Variants in EPHA5 observed in about 807,000 individuals in gnomAD.
EPHA5 encodes the protein ephrin type-A receptor 5.
In EPHA5, 60 loss-of-function variants were observed where a neutral mutation model predicts 105.0. That is an observed-to-expected ratio of 0.57 (90% CI 0.46 to 0.71). The LOEUF is 0.71. Among genes scored for constraint, EPHA5 ranks in the 30% least tolerant of loss-of-function variants. EPHA5 has a pLI of 0.00. For synonymous variants in EPHA5, 513 were observed against 449.1 expected (o/e 1.14, Z -1.80); for missense variants, 1,218 against 1,274.7 (o/e 0.96, Z 0.68).
chr4:65,349,943 C>T (rs544790255), intron 13 of EPHA5, among the ~76,000 whole-genome samples: 2 of 152,066 alleles, frequency 1.3e-5, no homozygotes, highest in Non-Finnish European at 2.9e-5. Context: ...CTTATGTTCT[C>T]ATCTCTCAGT....
chr4:65,494,120 A>G (rs1731691641), intron 4 of EPHA5, among the ~76,000 whole-genome samples: 1 of 152,206 alleles, frequency 6.6e-6, no homozygotes, highest in South Asian at 2.1e-4. Context: ...TGAAGAGGAA[A>G]TTATTTTTCA....
chr4:65,625,784 A>G (rs1427740633), intron 2 of EPHA5, among the ~76,000 whole-genome samples: 2 of 152,344 alleles, frequency 1.3e-5, no homozygotes, highest in South Asian at 4.1e-4. Flanking sequence ...GATCCCAGTA[A>G]GCAGGTGCTT....
chr4:65,473,453 G>A (rs1729486404), intron 5 of EPHA5, among the ~76,000 whole-genome samples: 1 of 152,084 alleles, frequency 6.6e-6, no homozygotes, highest in Non-Finnish European at 1.5e-5. Context: ...TTCATAGCTG[G>A]GAGGCCTCAG....
chr4:65,365,183 A>G lies in EPHA5; in HGVS notation c.2007T>C (p.Cys669=), dbSNP rs777259794. The change falls in exon 11 of 17, where the codon TGT becomes TGC. Residue 669 remains cysteine, a synonymous_variant. Transcript: ENST00000613740. ...VIGAGEFGEV[C]SGRLKLPGKR... Reference sequence around the variant, plus strand: ...TTCCTGGTAGTTTCAAACGTCCACTACAAACTTCACCAAATTCACCTTGTG... The same window carrying G: ...TTCCTGGTAGTTTCAAACGTCCACTGCAAACTTCACCAAATTCACCTTGTG... 1.9e-6 allele frequency: 3 copies of G among 1,609,746 alleles called. No individual in the cohort carries two copies. The highest frequency in any genetic ancestry group is 1.7e-6 in the Non-Finnish European group (2 of 1,177,584).
At chr4:65,347,922 CAG>C in intron 14 of EPHA5, 130 bp downstream of exon 14, 1 of 932,018 alleles carries the variant, frequency 1.1e-6, no homozygotes, top group East Asian at 2.6e-5. Context: ...CAACACAAAA[CAG>C]ATCAGAGGGT....
In EPHA5 at chr4:65,495,573, T is replaced by C. The variant is rs1431068595; in HGVS notation, c.911-30A>G. 6.3e-6 allele frequency: 10 copies of C among 1,583,466 alleles called. No individual in the cohort carries two copies. The South Asian group carries it at 1.0e-4, about 16-fold the overall frequency. ...CAAAAGAAATAAGAGACTAAGCTTT[T>C]CCCTGGAACAGATGCAGTGTTTGTT... On this transcript the variant is annotated intron_variant, in intron 3 of 16. Transcript: ENST00000613740.
intron 6 of EPHA5, among the ~76,000 whole-genome samples, chr4:65,416,846 C>T (rs1037326987): frequency 1.1e-4 from 16 of 152,146 alleles, no homozygotes; most frequent in South Asian, 2.1e-4. Context: ...ATCATCTAAG[C>T]GTCTTCCAAA....
At chr4:65,585,694 T>G (rs978550321) in intron 3 of EPHA5, among the ~76,000 whole-genome samples, 26 of 152,008 alleles carry the variant, frequency 1.7e-4, no homozygotes, top group African/African-American at 6.3e-4. Flanking sequence ...TACATTTAGC[T>G]GTGTATCTCT....
chr4:65,439,344 T>C (rs1400750518), intron 5 of EPHA5, among the ~76,000 whole-genome samples: 2 of 152,160 alleles, frequency 1.3e-5, no homozygotes, highest in Non-Finnish European at 2.9e-5. Context: ...ATGTTTGTTC[T>C]ATTTGTGTCT....
At chr4:65,512,839 C>A (rs183233263) in intron 3 of EPHA5, among the ~76,000 whole-genome samples, 1 of 152,024 alleles carries the variant, frequency 6.6e-6, no homozygotes, top group Non-Finnish European at 1.5e-5. Flanking sequence ...AAGATATCAT[C>A]AACATGAAAT....
chr4:65,465,852 A>T (rs989348954), intron 5 of EPHA5, among the ~76,000 whole-genome samples: 4 of 152,244 alleles, frequency 2.6e-5, no homozygotes, highest in African/African-American at 9.6e-5. Flanking sequence ...CTATAATGTC[A>T]TACATTCACT....
chr4:65,338,365 A>G (rs377736199), intron 14 of EPHA5, among the ~76,000 whole-genome samples: 1 of 152,134 alleles, frequency 6.6e-6, no homozygotes, highest in African/African-American at 2.4e-5. Context: ...TATATTTGCT[A>G]TACAGTGAGA....
intron 7 of EPHA5, among the ~76,000 whole-genome samples, chr4:65,406,165 T>C (rs1319690761): frequency 6.6e-6 from 1 of 152,200 alleles, no homozygotes; most frequent in African/African-American, 2.4e-5. Context: ...ACTACTCTGC[T>C]GCTTACAAGC....
rs1718678576 is a variant in EPHA5, at chr4:65,373,370, C to T, written c.1794-5946G>A. Reference sequence around the variant, plus strand: ...CAAAGGGATGGCTTTATTCTTTATGCCACTTTCGTGCTGTATAAAAGGGAA... The same window carrying T: ...CAAAGGGATGGCTTTATTCTTTATGTCACTTTCGTGCTGTATAAAAGGGAA... On this transcript the variant is annotated intron_variant, in intron 8 of 16. Transcript: ENST00000613740. Among the ~76,000 whole-genome samples, 4 of 151,840 alleles carry T rather than the reference C, an allele frequency of 2.6e-5. No individual in the cohort carries two copies. In the South Asian group the frequency reaches 8.3e-4, roughly 31 times the overall value.
At chr4:65,375,632 G>A (rs1264151184) in intron 8 of EPHA5, among the ~76,000 whole-genome samples, 2 of 151,814 alleles carry the variant, frequency 1.3e-5, no homozygotes, top group East Asian at 3.9e-4. Context: ...TTCAAGGTAA[G>A]GCATCAATAT....
intron 11 of EPHA5, among the ~76,000 whole-genome samples, chr4:65,354,954 C>A (rs1005812154): frequency 6.6e-6 from 1 of 151,732 alleles, no homozygotes. Context: ...TCCTCGTCCT[C>A]TAAAGTTTAT....
intron 8 of EPHA5, among the ~76,000 whole-genome samples, chr4:65,403,369 CT>C (rs35551342): frequency 1.3e-4 from 19 of 147,394 alleles, no homozygotes; most frequent in East Asian, 6.1e-4. Flanking sequence ...GATTTCCTGT[CT>C]TTTTTTTTGG....
chr4:65,629,374 T>C (rs1234473634), intron 2 of EPHA5, among the ~76,000 whole-genome samples: 2 of 152,194 alleles, frequency 1.3e-5, no homozygotes, highest in East Asian at 1.9e-4. Context: ...ATAAGATTAT[T>C]ATACAGTCAA....
At chr4:65,588,925 C>T (rs1341005212) in intron 3 of EPHA5, among the ~76,000 whole-genome samples, 2 of 152,040 alleles carry the variant, frequency 1.3e-5, no homozygotes, top group Non-Finnish European at 2.9e-5. Flanking sequence ...ACAAAAGACC[C>T]CAGCACTTTA....
Sources: gnomAD v4.1 joint callset for allele counts (sites outside exome capture counted in the v4.1 genomes callset) on GRCh38, gnomAD v4.1.1 for gene constraint, MANE v1.5 for transcripts, NCBI Gene and HGNC (gene_info 2026-07-23, HGNC 2026-07-21) for gene names.